AJAP1: variants seen among roughly 807,000 people sequenced by gnomAD.
The protein encoded by AJAP1 is adherens junctions associated protein 1.
Under a neutral mutation model 35.0 loss-of-function variants are expected in AJAP1, and 5 were observed. That is an observed-to-expected ratio of 0.14 (90% CI 0.07 to 0.30). The LOEUF is 0.30. Ranked by LOEUF, AJAP1 falls within the 10% of genes least tolerant of loss-of-function variation. AJAP1 has a pLI of 1.00. For synonymous variants in AJAP1, 284 were observed against 249.3 expected, an observed-to-expected ratio of 1.14 and a Z score of -1.31; for missense variants, 586 against 571.0, an observed-to-expected ratio of 1.03 and a Z score of -0.27.
chr1:4,675,485 G>A (rs545540139), intron 1 of AJAP1, among the ~76,000 whole-genome samples: 1 of 152,288 alleles, frequency 6.6e-6, no homozygotes, highest in African/African-American at 2.4e-5. Flanking sequence ...TTGGTGTCCC[G>A]AGCGTTTATT....
intron 1 of AJAP1, among the ~76,000 whole-genome samples, chr1:4,690,002 C>G (rs1466243967): frequency 2.0e-5 from 3 of 152,078 alleles, no homozygotes; most frequent in African/African-American, 2.4e-5. Flanking sequence ...CGGTTGAGAC[C>G]CCCCCAGCCC....
chr1:4,765,343 C>T (rs966980990), intron 2 of AJAP1, among the ~76,000 whole-genome samples: 1 of 152,192 alleles, frequency 6.6e-6, no homozygotes, highest in African/African-American at 2.4e-5. Context: ...AGCCCCTGGA[C>T]AGCTGACATG....
intron 1 of AJAP1, among the ~76,000 whole-genome samples, chr1:4,679,297 C>T (rs1639425467): frequency 6.6e-6 from 1 of 152,132 alleles, no homozygotes; most frequent in South Asian, 2.1e-4. Context: ...ACCTGAACTC[C>T]AGGAGGGCAG....
rs1639439026 is a variant in AJAP1 at position 4,679,808 on chromosome 1, G to GTGT, written c.29+24354_29+24355insTGT. On this transcript the variant is annotated intron_variant, in intron 1 of 5. Transcript: ENST00000378191. Reference sequence around the variant, plus strand: ...TTCTGCTTAGAAACAGAACCAATAGGGTGTGTGTGTGTGTGTGTGTGTGTG... The same window carrying GTGT: ...TTCTGCTTAGAAACAGAACCAATAGGTGTGTGTGTGTGTGTGTGTGTGTGTGTG... 1.4e-5 allele frequency among the ~76,000 whole-genome samples: 2 copies of GTGT among 142,324 alleles called. 1 individual carries two copies. Among genetic ancestry groups the GTGT allele is most frequent in the Non-Finnish European group, 3.0e-5 (2 of 65,696 alleles). 93.4% of individuals were successfully genotyped at this position (142,324 alleles called of 152,430 possible).
chr1:4,665,753 T>G (rs918790522), intron 1 of AJAP1, among the ~76,000 whole-genome samples: 1 of 152,198 alleles, frequency 6.6e-6, no homozygotes, highest in Admixed American at 6.5e-5. Context: ...CAGACACGGA[T>G]GAGTGGCCAC....
At chr1:4,752,582 C>A (rs1570195881) in intron 2 of AJAP1, among the ~76,000 whole-genome samples, 1 of 152,048 alleles carries the variant, frequency 6.6e-6, no homozygotes. Flanking sequence ...AGGAGGGAGC[C>A]CAGCACAGCT....
chr1:4,761,925 A>G (rs1160721505), intron 2 of AJAP1, among the ~76,000 whole-genome samples: 2 of 152,142 alleles, frequency 1.3e-5, no homozygotes, highest in Non-Finnish European at 2.9e-5. Context: ...CATTGACTCA[A>G]ATGTTAATCT....
At chr1:4,751,864 C>T (rs1005484938) in intron 2 of AJAP1, among the ~76,000 whole-genome samples, 41 of 152,258 alleles carry the variant, frequency 2.7e-4, no homozygotes, top group African/African-American at 9.4e-4. Context: ...AAGGCAGGGC[C>T]GGAACAGAAG....
chr1:4,672,650 C>A (rs1206887304), intron 1 of AJAP1, among the ~76,000 whole-genome samples: 1 of 152,098 alleles, frequency 6.6e-6, no homozygotes, highest in Non-Finnish European at 1.5e-5. Flanking sequence ...GCCTGGTGCT[C>A]CACCGCCCTC....
At position 4,746,003 on chromosome 1, in the gene AJAP1, G is replaced by A. The variant is rs558972596; in HGVS notation, c.830-23850G>A. 5.9e-5 allele frequency among the ~76,000 whole-genome samples: 9 copies of A among 152,294 alleles called. No individual in the cohort carries two copies. In the South Asian group the frequency reaches 1.5e-3, roughly 25 times the overall value. On this transcript the variant is annotated intron_variant, in intron 2 of 5. Transcript: ENST00000378191. Reference sequence around the variant, plus strand: ...GTGAAGCCAATGGCATTGGTTTCCCGTGGCTGCTGTAACCAAGTTTCGCAC... The same window carrying A: ...GTGAAGCCAATGGCATTGGTTTCCCATGGCTGCTGTAACCAAGTTTCGCAC...
At chr1:4,766,945 G>A (rs1012743694) in intron 2 of AJAP1, among the ~76,000 whole-genome samples, 4 of 152,204 alleles carry the variant, frequency 2.6e-5, no homozygotes, top group Admixed American at 1.3e-4. Context: ...TAGGTGCATC[G>A]AGGGATCCTG....
intron 2 of AJAP1, among the ~76,000 whole-genome samples, chr1:4,740,395 A>AGTGGGGGAGGGGGAGGGGGAGTGAGT (rs1553159527): frequency 3.5e-4 from 47 of 135,500 alleles, no homozygotes; most frequent in African/African-American, 4.2e-4. Context: ...ATGGGGACAG[A>AGTGGGGGAGGGGGAGGGGGAGTGAGT]GTTTCAGTTT....
In AJAP1 at chr1:4,719,826, G is replaced by A. The variant is rs542272808; in HGVS notation, c.829+7127G>A. 8.5e-5 allele frequency among the ~76,000 whole-genome samples: 13 copies of A among 152,296 alleles called. No homozygotes were observed. The East Asian group carries it at 2.5e-3, about 29-fold the overall frequency. On this transcript the variant is annotated intron_variant, in intron 2 of 5. Transcript: ENST00000378191. ...TGAAAGAAGAATGCTGGAGAGGTGCGCCCCTTCCCTCCCTGCCGGTGTCCA... is the reference window on the plus strand; with the variant it reads ...TGAAAGAAGAATGCTGGAGAGGTGCACCCCTTCCCTCCCTGCCGGTGTCCA...
At position 4,787,642 on chromosome 1, in the gene AJAP1, T is replaced by A. The variant is rs1226280615; in HGVS notation, c.*5157T>A. 1 of 455,760 alleles carries A rather than the reference T, an allele frequency of 2.2e-6. No homozygotes were observed. Among genetic ancestry groups the A allele is most frequent in the Non-Finnish European group, 4.4e-6 (1 of 226,718 alleles). The allele number at this position is 455,760 out of a possible 1,614,324, so 28.2% of individuals were successfully genotyped here. A position where few individuals can be genotyped will look rare whatever the true frequency, so the allele number is the denominator to read the frequency against. ...AGGATGAGGGCTGCTGCCCTGGTGA[T>A]GAGCTTGCCCCATCCCTGGGCACTG... On this transcript the variant is annotated 3_prime_UTR_variant, in exon 6 of 6. Coordinates refer to ENST00000378191, the MANE Select transcript of AJAP1 (RefSeq NM_018836.4).
rs1642139621 is a variant in AJAP1, at chr1:4,785,080, G to C, written c.*2595G>C. The C allele has an allele frequency of 6.6e-6, 1 of 152,296 alleles. No homozygotes were observed. Among genetic ancestry groups the C allele is most frequent in the African/African-American group, 2.4e-5 (1 of 41,454 alleles). 9.4% of individuals were successfully genotyped at this position (152,296 alleles called of 1,614,324 possible). A position where few individuals can be genotyped will look rare whatever the true frequency, so the allele number is the denominator to read the frequency against. The stretch of plus-strand genomic sequence containing the variant: ...GATCATGAGAACCTAGGATTCCCGA[G>C]GGACTCCTGGTATCTGCTCTGTCAA... On this transcript the variant is annotated 3_prime_UTR_variant, in exon 6 of 6. Transcript: ENST00000378191.
chr1:4,725,385 GCC>G (rs1220025797), intron 2 of AJAP1, among the ~76,000 whole-genome samples: 1 of 152,148 alleles, frequency 6.6e-6, no homozygotes, highest in African/African-American at 2.4e-5. Flanking sequence ...CACCATGGAT[GCC>G]CCGTGGAGCT....
At chr1:4,729,593 C>T (rs368261598) in intron 2 of AJAP1, among the ~76,000 whole-genome samples, 2 of 152,260 alleles carry the variant, frequency 1.3e-5, no homozygotes, top group South Asian at 2.1e-4. Flanking sequence ...AATCTGTCTC[C>T]ACCCGAGCCT....
chr1:4,746,864 G>A (rs1218279978), intron 2 of AJAP1, among the ~76,000 whole-genome samples: 2 of 152,188 alleles, frequency 1.3e-5, no homozygotes, highest in African/African-American at 2.4e-5. Flanking sequence ...TGACAAGGCA[G>A]CTGGTGGTAC....
At chr1:4,675,115 A>T (rs1042257832) in intron 1 of AJAP1, among the ~76,000 whole-genome samples, 15 of 152,168 alleles carry the variant, frequency 9.9e-5, no homozygotes, top group African/African-American at 3.6e-4. Context: ...TCTCCTCCCT[A>T]GGCCAGCAAT....
Sources: gnomAD v4.1 joint callset for allele counts (sites outside exome capture counted in the v4.1 genomes callset) on GRCh38, gnomAD v4.1.1 for gene constraint, MANE v1.5 for transcripts, NCBI Gene and HGNC (gene_info 2026-07-23, HGNC 2026-07-21) for gene names.